PCSK6: variants seen among roughly 807,000 people sequenced by gnomAD.
PCSK6 encodes the protein paired basic amino acid cleaving enzyme 4.
Under a neutral mutation model 123.3 loss-of-function variants are expected in PCSK6, and 85 were observed. The ratio of observed to expected loss-of-function variants is 0.69; its 90% confidence interval spans 0.58 to 0.83. The LOEUF (loss-of-function observed/expected upper bound fraction) is 0.83, where lower values mean the gene tolerates loss of function less well. PCSK6 is among the 40% of genes least tolerant of loss of function. PCSK6 has a pLI of 0.00. For missense variants in PCSK6, 1,191 were observed against 1,282.3 expected (o/e 0.93, Z 1.09); for synonymous variants, 508 against 516.0 (o/e 0.98, Z 0.21).
At chr15:101,474,572 G>GC (rs1277856292) in intron 1 of PCSK6, among the ~76,000 whole-genome samples, 1 of 152,160 alleles carries the variant, frequency 6.6e-6, no homozygotes, top group Admixed American at 6.5e-5. Flanking sequence ...GATTGCTGAG[G>GC]CCTTCACACA....
rs2058130048 is a variant in PCSK6, at chr15:101,489,677, G to T, written c.-7C>A. 2 of 974,120 alleles carry T rather than the reference G, an allele frequency of 2.1e-6. No individual in the cohort carries two copies. The highest frequency in any genetic ancestry group is 9.2e-5 in the South Asian group (2 of 21,664). 60.3% of individuals were successfully genotyped at this position (974,120 alleles called of 1,614,324 possible). A position where few individuals can be genotyped will look rare whatever the true frequency, so the allele number is the denominator to read the frequency against. On this transcript the variant is annotated 5_prime_UTR_variant, in exon 1 of 22. Transcript: ENST00000611716. Reference sequence around the variant, plus strand: ...GCGGCGCGCGCGGAGGCATAGCGGCGACAGGCTCGCGCGGCGCCCGAGCTG... The same window carrying T: ...GCGGCGCGCGCGGAGGCATAGCGGCTACAGGCTCGCGCGGCGCCCGAGCTG...
At chr15:101,392,427 G>T (rs4965842) in intron 8 of PCSK6, among the ~76,000 whole-genome samples, 29,693 of 152,052 alleles carry the variant, frequency 0.2, 3,233 homozygotes, top group Middle Eastern at 0.26. Flanking sequence ...AAATAACTTC[G>T]AAAGATGTGG....
intron 15 of PCSK6, among the ~76,000 whole-genome samples, chr15:101,328,973 T>C (rs1374184552): frequency 1.3e-5 from 2 of 152,242 alleles, no homozygotes; most frequent in African/African-American, 2.4e-5. Flanking sequence ...TGGGCAACCA[T>C]GATGTTTGTG....
At position 101,446,959 on chromosome 15, in the gene PCSK6, T is replaced by C. The variant is rs553117154; in HGVS notation, c.298-3299A>G. On this transcript the variant is annotated intron_variant, in intron 1 of 21. Coordinates refer to ENST00000611716, the MANE Select transcript of PCSK6 (RefSeq NM_002570.5). Reference sequence around the variant, plus strand: ...GCAACATCAGGCACCAGGTCAGGAGTGTGAGGTTTTCATCACGGGCAAAAC... The same window carrying C: ...GCAACATCAGGCACCAGGTCAGGAGCGTGAGGTTTTCATCACGGGCAAAAC... Among the ~76,000 whole-genome samples, 13 of 151,478 alleles carry C rather than the reference T, an allele frequency of 8.6e-5. No homozygotes were observed. The South Asian group carries it at 2.7e-3, about 32-fold the overall frequency.
intron 1 of PCSK6, among the ~76,000 whole-genome samples, chr15:101,469,384 C>T (rs4965878): frequency 0.81 from 122,706 of 152,148 alleles, 49,846 homozygotes; most frequent in Non-Finnish European, 0.85. Flanking sequence ...ACATGCCCTG[C>T]GTGACTGTGT....
intron 19 of PCSK6, 31 bp from the exon 20 acceptor site, chr15:101,313,536 A>G: frequency 6.4e-7 from 1 of 1,571,212 alleles, no homozygotes; most frequent in South Asian, 1.1e-5. Context: ...AGCAGGTATC[A>G]GGGATGGCTG....
intron 3 of PCSK6, among the ~76,000 whole-genome samples, chr15:101,431,715 T>C (rs940226542): frequency 2.6e-5 from 4 of 152,248 alleles, no homozygotes. Context: ...GCTCTGTCCA[T>C]GGGCTGGGCT....
intron 13 of PCSK6, among the ~76,000 whole-genome samples, chr15:101,342,583 T>C (rs1258250351): frequency 3.3e-5 from 5 of 152,250 alleles, no homozygotes; most frequent in Non-Finnish European, 4.4e-5. Context: ...TTCTCATATG[T>C]GCTCTTGGGA....
rs549881913 is a variant in PCSK6, at chr15:101,347,854, G to A, written c.1859-15823C>T. ...GGTGCAATCCCAGGGCAACAGGAGTGGAGGGCAGCAGGAGGAAGCGCCCGG... is the reference window on the plus strand; with the variant it reads ...GGTGCAATCCCAGGGCAACAGGAGTAGAGGGCAGCAGGAGGAAGCGCCCGG... On this transcript the variant is annotated intron_variant, in intron 13 of 21. Coordinates refer to ENST00000611716, the MANE Select transcript of PCSK6 (RefSeq NM_002570.5). The A allele has an allele frequency of 4.7e-4, 573 of 1,208,596 alleles. 1 individual carries two copies. The highest frequency in any genetic ancestry group is 1.8e-3 in the Middle Eastern group (8 of 4,446). The allele number at this position is 1,208,596 out of a possible 1,614,324, so 74.9% of individuals were successfully genotyped here.
In PCSK6 at chr15:101,389,537, T is replaced by A; in HGVS notation, c.1237A>T (p.Thr413Ser). The change falls in exon 9 of 22, where the codon ACC (threonine) becomes TCC (serine). Residue 413 changes from threonine to serine, a missense_variant. By Grantham distance (58) the Thr-to-Ser change is moderately conservative. This residue lies in a region of PCSK6 where 357 missense variants were observed against 484.5 expected (regional missense o/e 0.74). Transcript: ENST00000611716. Reference protein sequence around the residue: ...IVTTDLRQRCTDGHTGTSVSA... With the variant: ...IVTTDLRQRCSDGHTGTSVSA... ...ACTGAGGTCCCAGTGTGGCCATCGG[T>A]ACAGCGCTGACGCAGATCCGTGGTG... is the stretch of plus-strand genomic sequence containing the variant. The A allele has an allele frequency of 6.2e-7, 1 of 1,613,532 alleles. No individual in the cohort carries two copies. The highest frequency in any genetic ancestry group is 8.5e-7 in the Non-Finnish European group (1 of 1,179,644).
Position 101,375,991 on chromosome 15 carries a change from G to A in PCSK6, c.1533-5468C>T, listed in dbSNP as rs564274993. Among the ~76,000 whole-genome samples, 11 of 152,248 alleles carry A rather than the reference G, an allele frequency of 7.2e-5. No individual in the cohort carries two copies. In the East Asian group the frequency reaches 1.2e-3, roughly 16 times the overall value. ...GGAGGTTGCAGTGAGCCGAGATCGC[G>A]CCACTGCACTCCAGCCTGGGTAACA... is the stretch of plus-strand genomic sequence containing the variant. On this transcript the variant is annotated intron_variant, in intron 11 of 21. Transcript: ENST00000611716.
chr15:101,365,984 A>AGCAC (rs2041375232), intron 13 of PCSK6: 2 of 437,616 alleles, frequency 4.6e-6, no homozygotes, highest in Non-Finnish European at 7.9e-6. Context: ...GGAATTAGAT[A>AGCAC]GTGCTGACGT....
intron 4 of PCSK6, among the ~76,000 whole-genome samples, chr15:101,430,657 C>T (rs1241376391): frequency 2.6e-5 from 4 of 152,148 alleles, no homozygotes; most frequent in East Asian, 1.9e-4. Flanking sequence ...GTTGTTGACA[C>T]GTAGTCTGCA....
intron 13 of PCSK6, among the ~76,000 whole-genome samples, chr15:101,350,962 C>T (rs2040874556): frequency 6.6e-6 from 1 of 152,212 alleles, no homozygotes; most frequent in African/African-American, 2.4e-5. Context: ...TAGAAGCTTA[C>T]AATTGAATAA....
intron 1 of PCSK6, among the ~76,000 whole-genome samples, chr15:101,481,475 C>T (rs924119139): frequency 6.6e-6 from 1 of 151,762 alleles, no homozygotes; most frequent in Admixed American, 6.6e-5. Context: ...TGAAAGGAAG[C>T]AAAAGCATGA....
chr15:101,368,951 G>A (rs905640421), intron 12 of PCSK6, among the ~76,000 whole-genome samples: 3 of 152,218 alleles, frequency 2.0e-5, no homozygotes, highest in South Asian at 2.1e-4. Context: ...CGAACTGCTC[G>A]TGCCCGTGTG....
In PCSK6 at chr15:101,406,832, C is replaced by T. The variant is rs552446480; in HGVS notation, c.824-8256G>A. Among the ~76,000 whole-genome samples the T allele has an allele frequency of 1.2e-4, 19 of 152,246 alleles. No homozygotes were observed. In the South Asian group the frequency reaches 3.7e-3, roughly 30 times the overall value. On this transcript the variant is annotated intron_variant, in intron 6 of 21. Coordinates refer to ENST00000611716, the MANE Select transcript of PCSK6 (RefSeq NM_002570.5). ...TGCTTCCTGTTCTGTTCCTGATGCC[C>T]TGATGGAGCCACTCCACCTCCTTCT...
At chr15:101,330,170 C>A (rs1336015493) in intron 15 of PCSK6, among the ~76,000 whole-genome samples, 1 of 152,226 alleles carries the variant, frequency 6.6e-6, no homozygotes, top group Non-Finnish European at 1.5e-5. Context: ...CCCCACGCTG[C>A]CCACTGCAGC....
At chr15:101,370,831 G>A (rs993772532) in intron 11 of PCSK6, among the ~76,000 whole-genome samples, 6 of 152,256 alleles carry the variant, frequency 3.9e-5, no homozygotes, top group South Asian at 2.1e-4. Flanking sequence ...TGCTGCCACC[G>A]CTCCAACTTG....
Sources: gnomAD v4.1 joint callset for allele counts (sites outside exome capture counted in the v4.1 genomes callset) on GRCh38, gnomAD v4.1.1 for gene constraint, gnomAD v4.1.1 regional missense constraint, MANE v1.5 for transcripts, NCBI Gene and HGNC (gene_info 2026-07-23, HGNC 2026-07-21) for gene names.